Variants in SPATA6L observed in about 807,000 individuals in gnomAD.
The protein encoded by SPATA6L is spermatogenesis associated 6 like.
A neutral mutation model predicts 49.2 loss-of-function variants in SPATA6L; 68 were observed. The ratio of observed to expected loss-of-function variants is 1.38; its 90% CI spans 1.14 to 1.69. SPATA6L has a LOEUF of 1.69. Ranked by LOEUF, SPATA6L falls within the 40% of genes most tolerant of loss-of-function variation. The pLI, the probability that SPATA6L is intolerant of heterozygous loss-of-function variation, is 0.00. For synonymous variants in SPATA6L, 198 were observed against 165.7 expected (o/e 1.19, Z -1.50); for missense variants, 668 against 464.3 (o/e 1.44, Z -4.03).
chr9:4,638,241 C>T (rs540765142), intron 3 of SPATA6L, among the ~76,000 whole-genome samples: 81 of 152,132 alleles, frequency 5.3e-4, no homozygotes, highest in Non-Finnish European at 8.4e-4. Context: ...GACGGAGTCT[C>T]GCTCTTATTG....
intron 3 of SPATA6L, among the ~76,000 whole-genome samples, chr9:4,654,548 G>A (rs1038003858): frequency 6.6e-6 from 1 of 152,194 alleles, no homozygotes; most frequent in Non-Finnish European, 1.5e-5. Flanking sequence ...CTGTACCCCC[G>A]GGTTTCTTGC....
intron 9 of SPATA6L, among the ~76,000 whole-genome samples, chr9:4,611,556 C>T (rs1292480628): frequency 1.6e-4 from 23 of 147,232 alleles, no homozygotes; most frequent in Non-Finnish European, 3.0e-5. Flanking sequence ...GAACAAAAAA[C>T]CAAACACCGC....
intron 13 of SPATA6L, among the ~76,000 whole-genome samples, chr9:4,590,560 T>C (rs1821841696): frequency 6.6e-6 from 1 of 152,120 alleles, no homozygotes; most frequent in Non-Finnish European, 1.5e-5. Flanking sequence ...AAAGACAAGA[T>C]AAACAATTAC....
chr9:4,619,001 G>T, intron 7 of SPATA6L, 103 bp from the exon 8 acceptor site: 1 of 1,039,204 alleles, frequency 9.6e-7, no homozygotes, highest in South Asian at 1.5e-5. Context: ...TTTAGACAAT[G>T]AATTAATTAT....
At chr9:4,651,309 A>T (rs1836797303) in intron 3 of SPATA6L, among the ~76,000 whole-genome samples, 1 of 152,232 alleles carries the variant, frequency 6.6e-6, no homozygotes, top group Non-Finnish European at 1.5e-5. Context: ...ACACTGACTC[A>T]AGAAGAAACA....
intron 3 of SPATA6L, among the ~76,000 whole-genome samples, chr9:4,651,640 T>C (rs531288956): frequency 1.3e-5 from 2 of 152,248 alleles, no homozygotes; most frequent in South Asian, 4.1e-4. Flanking sequence ...AAGGCTTATA[T>C]ACCATAAGGT....
intron 9 of SPATA6L, among the ~76,000 whole-genome samples, chr9:4,609,853 A>G (rs1826242542): frequency 6.6e-6 from 1 of 152,022 alleles, no homozygotes; most frequent in African/African-American, 2.4e-5. Context: ...AAGAAGTCAA[A>G]TTGTCCCTGT....
intron 11 of SPATA6L, 104 bp downstream of exon 11, chr9:4,604,075 C>G (rs1043392473): frequency 8.2e-6 from 6 of 732,532 alleles, no homozygotes; most frequent in Admixed American, 8.2e-5. Context: ...CTCCTGTCCT[C>G]CACACTTTCT....
chr9:4,656,117 T>A, intron 2 of SPATA6L, 28 bp from the exon 3 acceptor site: 1 of 1,598,838 alleles, frequency 6.3e-7, no homozygotes, highest in Non-Finnish European at 8.6e-7. Context: ...GAAAATAAAT[T>A]TTCAAAGTTG....
At chr9:4,626,240 C>A in intron 5 of SPATA6L, 1 of 401,972 alleles carries the variant, frequency 2.5e-6, no homozygotes, top group Non-Finnish European at 3.8e-6. Context: ...CAGATTATAG[C>A]CTTTCCCCTA....
chr9:4,592,249 A>G (rs1028545818), intron 13 of SPATA6L, among the ~76,000 whole-genome samples: 1 of 145,206 alleles, frequency 6.9e-6, no homozygotes, highest in African/African-American at 2.6e-5. Flanking sequence ...CTGGAGGTGG[A>G]GTTTGCAGTG....
Position 4,604,194 on chromosome 9 carries a change from G to C in SPATA6L, c.1165C>G (p.Gln389Glu), listed in dbSNP as rs886723318. ...AAGACAGTACCTTAAAAATATCTCT[G>C]TTCATGCAGTGAGTATTTCTTCAGA... ...YPLKKYSLHEQRYF is the reference protein window; with the variant it reads ...YPLKKYSLHEERYF Residue 389 changes from glutamine (Q) to glutamate (E), a missense_variant, in exon 11 of 12, where the codon CAG (glutamine) becomes GAG (glutamate). Physicochemically the swap from Gln to Glu is conservative, Grantham distance 29. Transcript: ENST00000682582. 1 of 1,610,116 alleles carries C rather than the reference G, an allele frequency of 6.2e-7. No individual in the cohort carries two copies. The highest frequency in any genetic ancestry group is 8.5e-7 in the Non-Finnish European group (1 of 1,177,184).
Position 4,605,393 on chromosome 9 carries a change from A to G in SPATA6L, c.1043T>C (p.Val348Ala). The change falls in exon 10 of 12, where the codon GTA becomes GCA. Residue 348 changes from valine (V) to alanine (A), a missense_variant. Physicochemically the swap from Val to Ala is moderately conservative, Grantham distance 64 (BLOSUM62 0). Coordinates refer to ENST00000682582, the MANE Select transcript of SPATA6L (RefSeq NM_001353486.2). Reference protein sequence around the residue: ...QSTWKNIHERVCSLLTSHRAQ... With the variant: ...QSTWKNIHERACSLLTSHRAQ... ...TCTGTGGGATGTCAGAAGACTGCATACCCTCTCATGGATATTCTTCCATGT... is the reference window on the plus strand; with the variant it reads ...TCTGTGGGATGTCAGAAGACTGCATGCCCTCTCATGGATATTCTTCCATGT... The G allele has an allele frequency of 1.2e-6, 2 of 1,614,142 alleles. No homozygotes were observed. Among genetic ancestry groups the G allele is most frequent in the Non-Finnish European group, 1.7e-6 (2 of 1,180,018 alleles).
chr9:4,592,264 G>C (rs1821953120), intron 13 of SPATA6L, among the ~76,000 whole-genome samples: 1 of 146,880 alleles, frequency 6.8e-6, no homozygotes, highest in African/African-American at 2.5e-5. Flanking sequence ...GCAGTGAGCT[G>C]AGATCACGCC....
intron 2 of SPATA6L, among the ~76,000 whole-genome samples, chr9:4,661,115 T>A (rs183018533): frequency 3.9e-5 from 6 of 152,306 alleles, no homozygotes; most frequent in African/African-American, 1.4e-4. Flanking sequence ...GTTGTGCATA[T>A]GTACCCTAGA....
At chr9:4,625,221 T>A in intron 6 of SPATA6L, 106 bp downstream of exon 6, 1 of 1,452,008 alleles carries the variant, frequency 6.9e-7, no homozygotes, top group Non-Finnish European at 9.1e-7. Flanking sequence ...AAGTACCTTT[T>A]TATTGAATAT....
intron 3 of SPATA6L, among the ~76,000 whole-genome samples, chr9:4,654,766 G>T (rs1018637984): frequency 2.0e-5 from 3 of 152,130 alleles, no homozygotes; most frequent in African/African-American, 7.2e-5. Context: ...TCCTCTCGAT[G>T]TCCAGCCGCT....
intron 11 of SPATA6L, 136 bp from the exon 12 acceptor site, chr9:4,600,945 C>T (rs535500531): frequency 6.6e-6 from 1 of 152,366 alleles, no homozygotes; most frequent in South Asian, 2.1e-4. Flanking sequence ...CACTTAGTCT[C>T]TGAGCTTTTT....
chr9:4,639,552 C>T (rs1034720232), intron 3 of SPATA6L, among the ~76,000 whole-genome samples: 1 of 152,146 alleles, frequency 6.6e-6, no homozygotes, highest in African/African-American at 2.4e-5. Flanking sequence ...CAAACTGCCA[C>T]CAAGTGTGAA....
Sources: allele counts gnomAD v4.1 joint callset (sites outside exome capture counted in the v4.1 genomes callset), GRCh38; gene constraint gnomAD v4.1.1; transcripts MANE v1.5; gene names NCBI Gene and HGNC (gene_info 2026-07-23, HGNC 2026-07-21).